The following EPSTI1 variants were observed in gnomAD, a reference collection of about 807,000 sequenced individuals.
The protein encoded by EPSTI1 is epithelial-stromal interaction protein 1.
A neutral mutation model predicts 49.9 loss-of-function variants in EPSTI1; 66 were observed. The ratio of observed to expected loss-of-function variants is 1.32; its 90% CI spans 1.08 to 1.62. EPSTI1 has a LOEUF of 1.62. Ranked by LOEUF, EPSTI1 falls within the 40% of genes most tolerant of loss-of-function variation. The pLI, the probability that EPSTI1 is intolerant of heterozygous loss-of-function variation, is 0.00. For synonymous variants in EPSTI1, 137 were observed against 130.7 expected (o/e 1.05, Z -0.33); for missense variants, 394 against 365.5 (o/e 1.08, Z -0.64).
intron 2 of EPSTI1, 140 bp from the exon 3 acceptor site, chr13:42,969,317 C>T: frequency 1.2e-6 from 1 of 802,238 alleles, no homozygotes; most frequent in Non-Finnish European, 2.0e-6. Flanking sequence ...AGGTTAGAAA[C>T]ACAATATTCA....
At chr13:42,909,096 A>AATAAT (rs2037588891) in intron 8 of EPSTI1, among the ~76,000 whole-genome samples, 1 of 150,146 alleles carries the variant, frequency 6.7e-6, no homozygotes. Context: ...TCCATCTCAA[A>AATAAT]AATAATAACA....
chr13:42,888,679 A>G (rs561110154), intron 10 of EPSTI1, among the ~76,000 whole-genome samples, 177 bp from the exon 11 acceptor site: 1 of 152,324 alleles, frequency 6.6e-6, no homozygotes, highest in Admixed American at 6.5e-5. Flanking sequence ...GTCACATTGC[A>G]TTTGATTCAC....
At chr13:42,906,577 A>G (rs1160579514) in intron 8 of EPSTI1, among the ~76,000 whole-genome samples, 1 of 152,216 alleles carries the variant, frequency 6.6e-6, no homozygotes, top group Admixed American at 6.5e-5. Context: ...AAGTTCAAGA[A>G]TGCCTTCCTT....
At chr13:42,931,514 G>A (rs1161223042) in intron 6 of EPSTI1, among the ~76,000 whole-genome samples, 1 of 152,236 alleles carries the variant, frequency 6.6e-6, no homozygotes. Context: ...CTTGCCTGCA[G>A]CTTTTAATGC....
intron 6 of EPSTI1, among the ~76,000 whole-genome samples, chr13:42,941,704 A>G (rs772831882): frequency 6.6e-5 from 10 of 150,774 alleles, no homozygotes; most frequent in Non-Finnish European, 1.5e-4. Context: ...CATTTTTCTC[A>G]AGGACTGTGG....
intron 10 of EPSTI1, 136 bp downstream of exon 10, chr13:42,894,873 C>T (rs2037144635): frequency 3.0e-6 from 2 of 671,824 alleles, no homozygotes; most frequent in African/African-American, 3.7e-5. Context: ...CCCTGGCTGA[C>T]TGCCCATCAC....
At chr13:42,966,632 A>G (rs1217072540) in intron 3 of EPSTI1, among the ~76,000 whole-genome samples, 1 of 63,830 alleles carries the variant, frequency 1.6e-5, no homozygotes, top group Non-Finnish European at 3.4e-5. Flanking sequence ...CCCGGCAGCC[A>G]CCCCATCTGG....
chr13:42,961,249 G>C (rs1474011909), intron 5 of EPSTI1, among the ~76,000 whole-genome samples: 17 of 152,162 alleles, frequency 1.1e-4, no homozygotes, highest in Admixed American at 1.1e-3. Flanking sequence ...GCAGGTAGGA[G>C]CAGGAGGGGA....
At chr13:42,979,457 C>CT (rs1247513719) in intron 1 of EPSTI1, among the ~76,000 whole-genome samples, 1 of 151,822 alleles carries the variant, frequency 6.6e-6, no homozygotes, top group African/African-American at 2.4e-5. Flanking sequence ...TGGCGGGTGC[C>CT]TGTAGTCCCA....
chr13:42,916,307 T>C (rs889478001), intron 8 of EPSTI1, among the ~76,000 whole-genome samples: 3 of 151,466 alleles, frequency 2.0e-5, no homozygotes, highest in Non-Finnish European at 4.4e-5. Context: ...TAAAAATGTT[T>C]CATGATTCGT....
At chr13:42,903,337 A>C (rs1344728461) in intron 8 of EPSTI1, among the ~76,000 whole-genome samples, 1 of 152,206 alleles carries the variant, frequency 6.6e-6, no homozygotes, top group Non-Finnish European at 1.5e-5. Flanking sequence ...AATGAGAAAG[A>C]ACCAGCTTCA....
intron 9 of EPSTI1, among the ~76,000 whole-genome samples, chr13:42,896,264 C>T (rs2037186234): frequency 1.3e-5 from 2 of 152,310 alleles, no homozygotes; most frequent in Admixed American, 1.3e-4. Flanking sequence ...CAGCCTGCTT[C>T]ACTGCCAAGC....
chr13:42,932,088 C>A (rs928749458), intron 6 of EPSTI1, among the ~76,000 whole-genome samples: 1 of 150,504 alleles, frequency 6.6e-6, no homozygotes, highest in African/African-American at 2.4e-5. Flanking sequence ...TACAGGAGCA[C>A]ACCACAATGC....
Position 42,954,298 on chromosome 13 carries a change from A to G in EPSTI1, c.490-277T>C, listed in dbSNP as rs2039194012. Among the ~76,000 whole-genome samples the G allele has an allele frequency of 3.9e-5, 6 of 152,246 alleles. No individual in the cohort carries two copies. The South Asian group carries it at 1.2e-3, about 32-fold the overall frequency. The stretch of plus-strand genomic sequence containing the variant: ...GCGTTTTTATTCTTTAGTTCAAATG[A>G]TAGCAACATTTATTTTTTAAGCAGT... On this transcript the variant is annotated intron_variant, in intron 5 of 10. Coordinates refer to ENST00000313624, the MANE Select transcript of EPSTI1 (RefSeq NM_033255.5).
chr13:42,988,498 C>T (rs2040123876), intron 1 of EPSTI1, among the ~76,000 whole-genome samples: 1 of 152,072 alleles, frequency 6.6e-6, no homozygotes, highest in African/African-American at 2.4e-5. Context: ...TTTGGGAGGC[C>T]GAGGCAGGCA....
intron 6 of EPSTI1, among the ~76,000 whole-genome samples, chr13:42,949,640 C>T (rs972592983): frequency 5.3e-5 from 8 of 149,924 alleles, no homozygotes; most frequent in African/African-American, 1.7e-4. Flanking sequence ...CTTTTTTGGT[C>T]ATCAAGTGGC....
chr13:42,963,697 C>T (rs1276481721), intron 4 of EPSTI1: 1 of 292,312 alleles, frequency 3.4e-6, no homozygotes, highest in African/African-American at 2.2e-5. Context: ...GTAAAAATCG[C>T]TGGGAATCTT....
intron 8 of EPSTI1, among the ~76,000 whole-genome samples, chr13:42,912,911 T>C (rs981483112): frequency 6.6e-6 from 1 of 151,716 alleles, no homozygotes; most frequent in East Asian, 1.9e-4. Context: ...GTCCATTTGA[T>C]AGATGTCCCA....
intron 6 of EPSTI1, 25 bp from the exon 7 acceptor site, chr13:42,926,454 A>G (rs763179320): frequency 2.3e-6 from 3 of 1,284,610 alleles, no homozygotes; most frequent in Non-Finnish European, 3.4e-6. Context: ...AACAGGTGTT[A>G]GTGCCTTCAC....
Sources: allele counts gnomAD v4.1 joint callset (sites outside exome capture counted in the v4.1 genomes callset), GRCh38; gene constraint gnomAD v4.1.1; transcripts MANE v1.5; gene names NCBI Gene and HGNC (gene_info 2026-07-23, HGNC 2026-07-21).